The following ARSB variants were observed in gnomAD, a reference collection of about 807,000 sequenced individuals.
ARSB encodes the protein N-acetylgalactosamine-4-sulfatase.
In ARSB, 41 loss-of-function variants were observed where a neutral mutation model predicts 50.9. The ratio of observed to expected loss-of-function variants is 0.81; its 90% CI spans 0.63 to 1.04. The LOEUF (loss-of-function observed/expected upper bound fraction) is 1.04, where lower values mean the gene tolerates loss of function less well. Ranked by LOEUF, ARSB falls within the 50% of genes least tolerant of loss-of-function variation. The pLI, the probability that ARSB is intolerant of heterozygous loss-of-function variation, is 0.00. For synonymous variants in ARSB, 269 were observed against 284.8 expected, an observed-to-expected ratio of 0.94 and a Z score of 0.56; for missense variants, 672 against 693.3, an observed-to-expected ratio of 0.97 and a Z score of 0.35.
intron 1 of ARSB, among the ~76,000 whole-genome samples, chr5:78,983,971 T>C (rs374887074): frequency 6.6e-6 from 1 of 152,196 alleles, no homozygotes; most frequent in African/African-American, 2.4e-5. Flanking sequence ...CCATTTACTG[T>C]ATTTAATATG....
At chr5:78,839,477 G>A (rs1019568719) in intron 5 of ARSB, 51 bp from the exon 6 acceptor site, 1 of 1,483,254 alleles carries the variant, frequency 6.7e-7, no homozygotes, top group Non-Finnish European at 9.4e-7. Context: ...TAATGGGCAT[G>A]AATTATTTTA....
chr5:78,937,224 T>C (rs1425868201), intron 4 of ARSB, among the ~76,000 whole-genome samples: 2 of 150,242 alleles, frequency 1.3e-5, no homozygotes, highest in Non-Finnish European at 3.0e-5. Context: ...TGCAATTTAG[T>C]CAATAAATAT....
chr5:78,885,930 A>T (rs1385528535), intron 4 of ARSB, 103 bp from the exon 5 acceptor site: 18 of 1,502,464 alleles, frequency 1.2e-5, no homozygotes, highest in Middle Eastern at 2.0e-4. Context: ...CTTAAATAAT[A>T]AAAAAAAAGA....
intron 6 of ARSB, among the ~76,000 whole-genome samples, chr5:78,800,689 T>C: frequency 6.6e-6 from 1 of 152,166 alleles, no homozygotes; most frequent in East Asian, 1.9e-4. Flanking sequence ...AAGCTTAGAA[T>C]GAATTGGGAG....
intron 5 of ARSB, among the ~76,000 whole-genome samples, chr5:78,852,711 G>C (rs1745886769): frequency 6.6e-6 from 1 of 151,982 alleles, no homozygotes; most frequent in Non-Finnish European, 1.5e-5. Context: ...ACGTAGATTT[G>C]GTCTTTTCAC....
At chr5:78,937,472 T>C (rs939085263) in intron 4 of ARSB, among the ~76,000 whole-genome samples, 3 of 146,778 alleles carry the variant, frequency 2.0e-5, no homozygotes, top group Non-Finnish European at 3.0e-5. Flanking sequence ...AATATATATA[T>C]TCATTAATTA....
chr5:78,845,018 C>T (rs1307288217), intron 5 of ARSB, among the ~76,000 whole-genome samples: 1 of 152,012 alleles, frequency 6.6e-6, no homozygotes, highest in Non-Finnish European at 1.5e-5. Flanking sequence ...CATTAACTAA[C>T]CTTTGGCTAT....
At chr5:78,908,605 A>G (rs1483562015) in intron 4 of ARSB, among the ~76,000 whole-genome samples, 6 of 152,168 alleles carry the variant, frequency 3.9e-5, no homozygotes, top group Admixed American at 3.3e-4. Flanking sequence ...ATTAGAGAGC[A>G]TTCTCAGTTA....
chr5:78,796,880 T>TTTTTGA (rs1743201761), intron 6 of ARSB, among the ~76,000 whole-genome samples: 1 of 77,614 alleles, frequency 1.3e-5, no homozygotes, highest in African/African-American at 1.0e-4. Flanking sequence ...TCTCGATCTC[T>TTTTTGA]TTTTTTTTTT....
chr5:78,781,323 C>CTCTTT (rs1748918911), intron 7 of ARSB, among the ~76,000 whole-genome samples: 9 of 75,356 alleles, frequency 1.2e-4, no homozygotes, highest in African/African-American at 5.3e-4. Context: ...CTCTCTCTCT[C>CTCTTT]TTTTTTTTTT....
At chr5:78,962,039 T>G (rs1466054749) in intron 3 of ARSB, among the ~76,000 whole-genome samples, 1 of 152,078 alleles carries the variant, frequency 6.6e-6, no homozygotes, top group Non-Finnish European at 1.5e-5. Context: ...GAATCTCTGG[T>G]CTTGGATATT....
At chr5:78,938,309 T>A (rs1750731335) in intron 4 of ARSB, among the ~76,000 whole-genome samples, 1 of 152,222 alleles carries the variant, frequency 6.6e-6, no homozygotes. Context: ...ACTAATAAAA[T>A]TTTAAAGTGA....
At chr5:78,945,939 C>T (rs1580107918) in intron 4 of ARSB, among the ~76,000 whole-genome samples, 1 of 152,154 alleles carries the variant, frequency 6.6e-6, no homozygotes, top group Admixed American at 6.6e-5. Flanking sequence ...GCAGACAGCA[C>T]CCTGGGCTTC....
chr5:78,825,757 T>G (rs956431877), intron 6 of ARSB, among the ~76,000 whole-genome samples: 7 of 152,188 alleles, frequency 4.6e-5, no homozygotes, highest in African/African-American at 1.7e-4. Context: ...GAACTATTTT[T>G]TTCGAAGGAG....
At position 78,976,197 on chromosome 5, in the gene ARSB, T is replaced by C. The variant is rs1278062986; in HGVS notation, c.313-7005A>G. On this transcript the variant is annotated intron_variant, in intron 1 of 7. Transcript: ENST00000264914. ...GGGAGACAGGCTGAAAAGATCCTCA[T>C]CTACATGTTTATATTTTTTACATCT... Among the ~76,000 whole-genome samples the C allele has an allele frequency of 2.6e-5, 4 of 151,752 alleles. No homozygotes were observed. The East Asian group carries it at 7.7e-4, about 29-fold the overall frequency.
chr5:78,901,678 T>C (rs1196258070), intron 4 of ARSB, among the ~76,000 whole-genome samples: 1 of 151,982 alleles, frequency 6.6e-6, no homozygotes, highest in African/African-American at 2.4e-5. Context: ...AACTCAATAA[T>C]AAAAGATAAC....
chr5:78,958,859 A>G (rs779497752), intron 3 of ARSB, among the ~76,000 whole-genome samples: 16 of 152,212 alleles, frequency 1.1e-4, no homozygotes, highest in Non-Finnish European at 2.2e-4. Context: ...TGACTGTTAC[A>G]TCTTCAGTGT....
At chr5:78,855,443 G>C (rs1746089506) in intron 5 of ARSB, among the ~76,000 whole-genome samples, 1 of 152,176 alleles carries the variant, frequency 6.6e-6, no homozygotes, top group Admixed American at 6.5e-5. Flanking sequence ...ACCTCTGCTT[G>C]GCCCCACAGG....
At chr5:78,788,366 GTTGT>G (rs1486182436) in intron 6 of ARSB, among the ~76,000 whole-genome samples, 1 of 152,180 alleles carries the variant, frequency 6.6e-6, no homozygotes, top group Non-Finnish European at 1.5e-5. Context: ...GAAATTGGGA[GTTGT>G]TTGTTACCAG....
Sources: gnomAD v4.1 joint callset for allele counts (sites outside exome capture counted in the v4.1 genomes callset) on GRCh38, gnomAD v4.1.1 for gene constraint, MANE v1.5 for transcripts, NCBI Gene and HGNC (gene_info 2026-07-23, HGNC 2026-07-21) for gene names.